Variants in MUTYH observed in about 807,000 individuals in gnomAD.
MUTYH encodes the protein mutY DNA glycosylase, also known as adenine DNA glycosylase.
In MUTYH, 64 loss-of-function variants were observed where a neutral mutation model predicts 72.9. The ratio of observed to expected loss-of-function variants is 0.88; its 90% CI spans 0.72 to 1.08. The LOEUF (loss-of-function observed/expected upper bound fraction) is 1.08, where lower values mean the gene tolerates loss of function less well. Among genes scored for constraint, MUTYH ranks in the 50% least tolerant of loss-of-function variants. The pLI is 0.00. For synonymous variants in MUTYH, 234 were observed against 263.1 expected (o/e 0.89, Z 1.07); for missense variants, 633 against 671.0 (o/e 0.94, Z 0.63).
upstream of MUTYH, chr1:45,340,404 C>T: frequency 6.5e-7 from 1 of 1,539,580 alleles, no homozygotes; most frequent in Non-Finnish European, 8.7e-7. Flanking sequence ...CTTCAGAGGA[C>T]TGCTCCTTCC....
Position 45,332,935 on chromosome 1 carries a change from C to T in MUTYH, c.403G>A (p.Ala135Thr), listed in dbSNP as rs1570427764. The T allele has an allele frequency of 6.2e-7, 1 of 1,614,130 alleles. No homozygotes were observed. Among genetic ancestry groups the T allele is most frequent in the Non-Finnish European group, 8.5e-7 (1 of 1,180,022 alleles). ...MQKWPTLQDL[A>T]SASLEEVNQL... ...GCTCTCACCTCCAGGGAAGCACTGG[C>T]CAGGTCCTGCAGTGTAGGCCACTTC... The change falls in exon 6 of 16, where the codon GCC becomes ACC. Residue 135 changes from alanine to threonine, a missense_variant. Coordinates refer to ENST00000456914, the MANE Select transcript of MUTYH (RefSeq NM_001048174.2).
At chr1:45,330,231 A>G (rs1644554701) in intron 15 of MUTYH, among the ~76,000 whole-genome samples, 1 of 56,436 alleles carries the variant, frequency 1.8e-5, no homozygotes, top group Non-Finnish European at 4.6e-5. Context: ...ACTGTCTCAA[A>G]AAAAAAAAAA....
At chr1:45,333,389 T>C in intron 3 of MUTYH, 24 bp downstream of exon 3, 1 of 1,614,070 alleles carries the variant, frequency 6.2e-7, no homozygotes, top group Non-Finnish European at 8.5e-7. Context: ...TCCCACCCAC[T>C]GTCCCTGCTC....
chr1:45,340,108 A>T (rs1646778737), upstream of MUTYH: 2 of 1,555,124 alleles, frequency 1.3e-6, no homozygotes, highest in South Asian at 1.2e-5. Flanking sequence ...CCCGCGCCGG[A>T]CCCGGGACGT....
At chr1:45,340,356 G>A (rs1476146474), upstream of MUTYH, 2 of 1,576,370 alleles carry the variant, frequency 1.3e-6, no homozygotes, top group Non-Finnish European at 1.7e-6. Flanking sequence ...CTGGGAGAGG[G>A]GAAGGCCTCG....
chr1:45,338,320 T>C (rs1646258084), intron 1 of MUTYH: 13 of 525,880 alleles, frequency 2.5e-5, no homozygotes, highest in South Asian at 2.0e-4. Context: ...CAAGGTTGAC[T>C]GAATTTAGTT....
intron 1 of MUTYH, among the ~76,000 whole-genome samples, chr1:45,337,397 A>G (rs1646054513): frequency 6.6e-6 from 1 of 152,102 alleles, no homozygotes; most frequent in Non-Finnish European, 1.5e-5. Context: ...AGCTCAAGCA[A>G]TCAACCCGCC....
Position 45,332,375 on chromosome 1 carries a change from T to C in MUTYH, c.704+16A>G, listed in dbSNP as rs747251904. 3 of 1,614,150 alleles carry C rather than the reference T, an allele frequency of 1.9e-6. No individual in the cohort carries two copies. Among genetic ancestry groups the C allele is most frequent in the Non-Finnish European group, 2.5e-6 (3 of 1,180,002 alleles). ...GCAGACACCCCTGAAGCACCCTTGT[T>C]ACCCCAACATCCTACCAGAGCTGCT... On this transcript the variant is annotated intron_variant, in intron 9 of 15. Transcript: ENST00000456914.
upstream of MUTYH, chr1:45,340,114 GA>G: frequency 6.4e-7 from 1 of 1,560,176 alleles, no homozygotes; most frequent in South Asian, 1.2e-5. Context: ...CCGGACCCGG[GA>G]CGTCTGAACG....
At chr1:45,337,244 A>G (rs1252645376) in intron 1 of MUTYH, among the ~76,000 whole-genome samples, 1 of 151,466 alleles carries the variant, frequency 6.6e-6, no homozygotes, top group Non-Finnish European at 1.5e-5. Context: ...CCTCGGCTCA[A>G]GCAATCCTCC....
At chr1:45,330,494 G>C (rs898948712) in intron 15 of MUTYH, 22 bp downstream of exon 15, 15 of 1,605,156 alleles carry the variant, frequency 9.3e-6, no homozygotes, top group South Asian at 1.1e-5. Flanking sequence ...AGACACGGTT[G>C]GGAGAGGCCT....
chr1:45,335,675 G>A (rs1180052083), intron 1 of MUTYH, among the ~76,000 whole-genome samples: 1 of 151,980 alleles, frequency 6.6e-6, no homozygotes, highest in Non-Finnish European at 1.5e-5. Context: ...TGGCCAACAT[G>A]GCGAAACCCC....
At chr1:45,330,378 TC>T in intron 15 of MUTYH, 137 bp downstream of exon 15, 1 of 1,023,076 alleles carries the variant, frequency 9.8e-7, no homozygotes, top group Non-Finnish European at 1.5e-6. Flanking sequence ...ATGGAAGGTC[TC>T]CAGGTCAAGA....
rs767747402 is a variant in MUTYH at position 45,331,228 on chromosome 1, G to A, written c.1346C>T (p.Thr449Met). Residue 449 changes from threonine (T) to methionine (M), a missense_variant, in exon 14 of 16, where the codon ACG (threonine) becomes ATG (methionine). Physicochemically the swap from Thr to Met is moderately conservative, Grantham distance 81. Transcript: ENST00000456914. ...AGCTGCGGTGTGAAATTCCTCCTGC[G>A]TCAGCCAGCGAGCACCTGGTGGTAC... ...TTVPPGARWL[T>M]QEEFHTAAVS... 32 of 1,614,196 alleles carry A rather than the reference G, an allele frequency of 2.0e-5. No individual in the cohort carries two copies. The highest frequency in any genetic ancestry group is 3.3e-5 in the South Asian group (3 of 91,086).
upstream of MUTYH, chr1:45,340,106 G>T (rs1646778237): frequency 1.2e-5 from 18 of 1,554,248 alleles, no homozygotes; most frequent in South Asian, 2.1e-4. Context: ...TCCCCGCGCC[G>T]GACCCGGGAC....
intron 1 of MUTYH, chr1:45,338,368 C>T: frequency 2.1e-6 from 1 of 477,874 alleles, no homozygotes; most frequent in Non-Finnish European, 4.1e-6. Flanking sequence ...ACCTTGGGGC[C>T]TCACACAATC....
chr1:45,331,223 C>G lies in MUTYH; in HGVS notation c.1351G>C (p.Glu451Gln). 6.2e-7 allele frequency: 1 copy of G among 1,614,246 alleles called. No homozygotes were observed. Among genetic ancestry groups the G allele is most frequent in the East Asian group, 2.2e-5 (1 of 44,890 alleles). ...VPPGARWLTQ[E>Q]EFHTAAVSTA... ...GAAACAGCTGCGGTGTGAAATTCCT[C>G]CTGCGTCAGCCAGCGAGCACCTGGT... The change falls in exon 14 of 16, where the codon GAG (glutamate) becomes CAG (glutamine). Residue 451 changes from glutamate (E) to glutamine (Q), a missense_variant. Coordinates refer to ENST00000456914, the MANE Select transcript of MUTYH (RefSeq NM_001048174.2).
At chr1:45,340,100 C>T (rs867482310), upstream of MUTYH, 32 of 1,551,272 alleles carry the variant, frequency 2.1e-5, no homozygotes, top group Middle Eastern at 2.0e-4. Flanking sequence ...CTGCCTTCCC[C>T]GCGCCGGACC....
intron 1 of MUTYH, 83 bp downstream of exon 1, chr1:45,339,804 TCTCCTAGTCTAA>T (rs1333850104): frequency 7.7e-7 from 1 of 1,291,228 alleles, no homozygotes; most frequent in African/African-American, 1.5e-5. Flanking sequence ...CACACGACCC[TCTCCTAGTCTAA>T]CTCCTGGGCG....
Sources: allele counts gnomAD v4.1 joint callset (sites outside exome capture counted in the v4.1 genomes callset), GRCh38; gene constraint gnomAD v4.1.1; transcripts MANE v1.5; gene names NCBI Gene and HGNC (gene_info 2026-07-23, HGNC 2026-07-21).